The following POMT2 variants were observed in gnomAD, a reference collection of about 807,000 sequenced individuals.
POMT2 encodes protein O-mannosyltransferase 2, also known as protein O-mannosyl-transferase 2.
Under a neutral mutation model 100.0 loss-of-function variants are expected in POMT2, and 75 were observed. The ratio of observed to expected loss-of-function variants is 0.75; its 90% confidence interval spans 0.62 to 0.91. POMT2 has a LOEUF of 0.91. POMT2 is among the 40% of genes least tolerant of loss of function. POMT2 has a pLI of 0.00. For synonymous variants in POMT2, 378 were observed against 374.1 expected (o/e 1.01, Z -0.12); for missense variants, 940 against 955.1 (o/e 0.98, Z 0.21).
intron 10 of POMT2, among the ~76,000 whole-genome samples, chr14:77,289,292 G>A (rs1260898500): frequency 1.3e-5 from 2 of 152,100 alleles, no homozygotes; most frequent in African/African-American, 4.8e-5. Context: ...TCGAGAGGCT[G>A]AGGCAGGAGA....
At position 77,280,064 on chromosome 14, in the gene POMT2, CCT is replaced by C; in HGVS notation, c.1740_1741del (p.Val582GlnfsTer2). On this transcript the variant is annotated frameshift_variant, in exon 17 of 21. Transcript: ENST00000261534. LOFTEE classifies it high-confidence loss of function. ...GACTCGGAAATCTGTGTCATTGACC[CCT>C]GAGAAGCGTAGGCCCTGTGGAATAG... The C allele has an allele frequency of 6.2e-7, 1 of 1,613,890 alleles. No individual in the cohort carries two copies. The highest frequency in any genetic ancestry group is 8.5e-7 in the Non-Finnish European group (1 of 1,180,026).
intron 15 of POMT2, 128 bp from the exon 16 acceptor site, chr14:77,280,591 C>T (rs920847744): frequency 5.3e-5 from 81 of 1,536,726 alleles, no homozygotes; most frequent in Non-Finnish European, 6.8e-5. Flanking sequence ...CCTTCCCTTG[C>T]AGGGAAGAAT....
intron 9 of POMT2, 174 bp from the exon 10 acceptor site, chr14:77,291,554 T>C (rs1414776449): frequency 2.5e-6 from 2 of 786,356 alleles, no homozygotes; most frequent in African/African-American, 3.4e-5. Flanking sequence ...TATGTAGCAC[T>C]GGTGAGTGAG....
rs2216089 is a variant in POMT2 at position 77,283,714 on chromosome 14, T to G, written c.1653+83A>C. The G allele has an allele frequency of 0.53, 626,398 of 1,177,070 alleles. 168,817 individuals carry two copies. The highest frequency in any genetic ancestry group is 0.55 in the Non-Finnish European group (431,898 of 782,174). 72.9% of individuals were successfully genotyped at this position (1,177,070 alleles called of 1,614,324 possible). ...TCCTCCACAAGGGGGAATGGATCTG[T>G]AGCATGGCATTGACTTGTGATCCAA... On this transcript the variant is annotated intron_variant, in intron 15 of 20. Transcript: ENST00000261534.
intron 1 of POMT2, among the ~76,000 whole-genome samples, chr14:77,318,369 G>A (rs969024233): frequency 2.0e-4 from 31 of 152,256 alleles, no homozygotes; most frequent in East Asian, 7.7e-4. Context: ...ACATGGACAC[G>A]GCCAGTCTTG....
chr14:77,312,647 G>A (rs992563812), intron 1 of POMT2: 3 of 120,942 alleles, frequency 2.5e-5, no homozygotes, highest in East Asian at 2.4e-4. Flanking sequence ...GTGAGACTCC[G>A]TCTCAAAAAA....
At chr14:77,280,258 T>A in intron 16 of POMT2, 134 bp downstream of exon 16, 1 of 1,556,732 alleles carries the variant, frequency 6.4e-7, no homozygotes, top group Non-Finnish European at 8.7e-7. Context: ...AAACAGATAC[T>A]CCCACCTCTG....
intron 2 of POMT2, among the ~76,000 whole-genome samples, chr14:77,307,863 T>TC: frequency 7.1e-6 from 1 of 141,234 alleles, no homozygotes; most frequent in African/African-American, 2.6e-5. Context: ...TTCTTCTTTT[T>TC]TTTTTTTTTT....
At chr14:77,296,451 C>G (rs1188472138) in intron 8 of POMT2, 178 bp from the exon 9 acceptor site, 5 of 605,798 alleles carry the variant, frequency 8.3e-6, no homozygotes, top group Non-Finnish European at 1.5e-5. Context: ...CAGAGTTCAC[C>G]ACAGGGCCCA....
At chr14:77,316,478 A>G (rs2885854) in intron 1 of POMT2, among the ~76,000 whole-genome samples, 49,734 of 150,532 alleles carry the variant, frequency 0.33, 8,366 homozygotes, top group East Asian at 0.44. Flanking sequence ...GGAGGCTGAG[A>G]CAGGAGGAGC....
chr14:77,310,378 G>A (rs1184152650), intron 2 of POMT2, among the ~76,000 whole-genome samples: 1 of 152,156 alleles, frequency 6.6e-6, no homozygotes, highest in Non-Finnish European at 1.5e-5. Context: ...ACTTTATAAG[G>A]TTGTTCTGAG....
chr14:77,302,989 G>T, intron 4 of POMT2, 46 bp from the exon 5 acceptor site: 1 of 1,467,656 alleles, frequency 6.8e-7, no homozygotes, highest in Non-Finnish European at 9.4e-7. Context: ...TAAGAGAAGG[G>T]CCCCCTGAAA....
chr14:77,294,655 C>T (rs1890759065), intron 9 of POMT2, among the ~76,000 whole-genome samples: 1 of 152,210 alleles, frequency 6.6e-6, no homozygotes, highest in African/African-American at 2.4e-5. Flanking sequence ...TGCACAAGCT[C>T]TCTCTTTGCC....
chr14:77,320,675 G>A lies in POMT2; in HGVS notation c.7C>T (p.Pro3Ser). MP[P>S]ATGGGLAESE... ...TCTGCCAGGCCTCCGCCCGTGGCCG[G>A]CGGCATCTTCCCCCTCCTCTGGGTC... Residue 3 changes from proline to serine, a missense_variant, in exon 1 of 21, where the codon CCG (proline) becomes TCG (serine). Coordinates refer to ENST00000261534, the MANE Select transcript of POMT2 (RefSeq NM_013382.7). The A allele has an allele frequency of 6.3e-7, 1 of 1,593,478 alleles. No homozygotes were observed. The highest frequency in any genetic ancestry group is 8.5e-7 in the Non-Finnish European group (1 of 1,178,134).
intron 15 of POMT2, among the ~76,000 whole-genome samples, chr14:77,281,132 AAATAAAT>A (rs142997041): frequency 7.9e-6 from 1 of 126,156 alleles, no homozygotes; most frequent in African/African-American, 2.8e-5. Flanking sequence ...ATAAATAAAT[AAATAAAT>A]AATAAGGCTT....
intron 1 of POMT2, among the ~76,000 whole-genome samples, chr14:77,313,747 G>C (rs1360084422): frequency 6.6e-6 from 1 of 152,036 alleles, no homozygotes; most frequent in Non-Finnish European, 1.5e-5. Context: ...CACTCTTGTT[G>C]CCCAGGCTGG....
At chr14:77,279,129 A>G in intron 18 of POMT2, 1 of 550,544 alleles carries the variant, frequency 1.8e-6, no homozygotes, top group Non-Finnish European at 3.3e-6. Context: ...CTCTAAAGAA[A>G]CCCTTCTGCG....
rs181899257 is a variant in POMT2 at position 77,275,938 on chromosome 14, C to A, written c.*1438G>T. ...TAGGTAGCACAGCCTGTCCCTGGGA[C>A]CAATATCCAGTCTCCGTGGCAACCG... On this transcript the variant is annotated 3_prime_UTR_variant, in exon 21 of 21. Coordinates refer to ENST00000261534, the MANE Select transcript of POMT2 (RefSeq NM_013382.7). 6.5e-6 allele frequency: 1 copy of A among 152,724 alleles called. No individual in the cohort carries two copies. The highest frequency in any genetic ancestry group is 1.9e-4 in the East Asian group (1 of 5,192). 9.5% of individuals were successfully genotyped at this position (152,724 alleles called of 1,614,324 possible). A position where few individuals can be genotyped will look rare whatever the true frequency, so the allele number is the denominator to read the frequency against.
In POMT2 at chr14:77,320,661, T is replaced by G; in HGVS notation, c.21A>C (p.Gly7=). Residue 7 remains glycine, a synonymous_variant, in exon 1 of 21, where the codon GGA becomes GGC. Transcript: ENST00000261534. MPPATG[G]GLAESELRPR... ...GACGCAGCTCGGACTCTGCCAGGCCTCCGCCCGTGGCCGGCGGCATCTTCC... is the reference window on the plus strand; with the variant it reads ...GACGCAGCTCGGACTCTGCCAGGCCGCCGCCCGTGGCCGGCGGCATCTTCC... The G allele has an allele frequency of 1.3e-6, 2 of 1,593,498 alleles. No individual in the cohort carries two copies. Among genetic ancestry groups the G allele is most frequent in the East Asian group, 2.2e-5 (1 of 44,680 alleles).
Sources: allele counts gnomAD v4.1 joint callset (sites outside exome capture counted in the v4.1 genomes callset), GRCh38; gene constraint gnomAD v4.1.1; transcripts MANE v1.5; gene names NCBI Gene and HGNC (gene_info 2026-07-23, HGNC 2026-07-21).